Variants in EYA4 observed in about 807,000 individuals in gnomAD.
The protein encoded by EYA4 is EYA transcriptional coactivator and phosphatase 4, also known as protein phosphatase EYA4.
EYA4 carries 31 observed loss-of-function variants against 87.9 expected under a neutral mutation model. The observed-to-expected ratio is 0.35, with a 90% CI of 0.27 to 0.48. The LOEUF is 0.48. EYA4 is among the 20% of genes least tolerant of loss of function. EYA4 has a pLI of 0.99. For synonymous variants in EYA4, 263 were observed against 270.6 expected (o/e 0.97, Z 0.28); for missense variants, 678 against 761.4 (o/e 0.89, Z 1.29).
chr6:133,263,700 G>A (rs550352508), intron 1 of EYA4, among the ~76,000 whole-genome samples: 3 of 152,296 alleles, frequency 2.0e-5, no homozygotes, highest in South Asian at 2.1e-4. Flanking sequence ...TACAAGATAC[G>A]CTTCTGAAAA....
At chr6:133,476,417 C>T (rs1022780264) in intron 11 of EYA4, among the ~76,000 whole-genome samples, 3 of 151,996 alleles carry the variant, frequency 2.0e-5, no homozygotes, top group Admixed American at 6.6e-5. Flanking sequence ...CCTCTCCAGC[C>T]CCACAGCCCT....
At chr6:133,363,921 A>C (rs56043945) in intron 2 of EYA4, among the ~76,000 whole-genome samples, 4,723 of 152,302 alleles carry the variant, frequency 0.031, 180 homozygotes, top group East Asian at 0.2. Context: ...GCAGCATCTT[A>C]ACCTCACTTG....
chr6:133,522,145 C>G (rs926557841), intron 17 of EYA4, among the ~76,000 whole-genome samples: 14 of 146,146 alleles, frequency 9.6e-5, no homozygotes, highest in South Asian at 2.2e-4. Context: ...AAAAAAAATT[C>G]TGGTGCATCT....
chr6:133,430,179 C>G (rs182039741), intron 3 of EYA4, among the ~76,000 whole-genome samples: 1 of 152,150 alleles, frequency 6.6e-6, no homozygotes, highest in Non-Finnish European at 1.5e-5. Flanking sequence ...CTGGTACATA[C>G]ATACCATGGA....
rs71003632 is a variant in EYA4 at position 133,294,062 on chromosome 6, T to TATATATATATATATATATATATATAAAA, written c.33+19250_33+19251insTATATATATATATATATATATATAAAAA. 7.4e-4 allele frequency among the ~76,000 whole-genome samples: 78 copies of TATATATATATATATATATATATATAAAA among 105,122 alleles called. 6 individuals are homozygous for TATATATATATATATATATATATATAAAA. The highest frequency in any genetic ancestry group is 1.2e-3 in the Non-Finnish European group (56 of 48,438). 69.0% of individuals were successfully genotyped at this position (105,122 alleles called of 152,430 possible). A position where few individuals can be genotyped will look rare whatever the true frequency, so the allele number is the denominator to read the frequency against. On this transcript the variant is annotated intron_variant, in intron 2 of 19. Transcript: ENST00000355286. ...ATATATATATATATATATATATATA[T>TATATATATATATATATATATATATAAAA]AATTCTATTCTATATATAACATTCT...
intron 3 of EYA4, among the ~76,000 whole-genome samples, chr6:133,420,977 ACTACTGTTACTGTAGCCTGCCT>A (rs1205909932): frequency 6.6e-6 from 1 of 152,196 alleles, no homozygotes; most frequent in Non-Finnish European, 1.5e-5. Context: ...CTTTTCACTT[ACTACTGTTACTGTAGCCTGCCT>A]CCACATCAAG....
intron 2 of EYA4, among the ~76,000 whole-genome samples, chr6:133,287,562 GC>G (rs1383055746): frequency 4.6e-5 from 7 of 152,172 alleles, no homozygotes; most frequent in African/African-American, 1.7e-4. Context: ...GGACTTTGAA[GC>G]CAAGCTGAGA....
intron 2 of EYA4, among the ~76,000 whole-genome samples, chr6:133,285,908 G>A (rs1778017123): frequency 1.3e-5 from 2 of 152,176 alleles, no homozygotes; most frequent in African/African-American, 4.8e-5. Flanking sequence ...GAACAGGTTG[G>A]GGTTGCAGAT....
intron 14 of EYA4, chr6:133,510,574 C>T: frequency 3.9e-6 from 1 of 257,284 alleles, no homozygotes; most frequent in South Asian, 4.3e-5. Context: ...CTTGCAATGC[C>T]TTTACTGGAT....
chr6:133,415,783 A>T (rs1418972528), intron 3 of EYA4, among the ~76,000 whole-genome samples: 1 of 152,190 alleles, frequency 6.6e-6, no homozygotes, highest in Non-Finnish European at 1.5e-5. Context: ...TTAATTAATT[A>T]ATGTCCAAGG....
intron 1 of EYA4, chr6:133,248,856 C>T (rs916102054): frequency 1.5e-4 from 22 of 141,936 alleles, no homozygotes; most frequent in African/African-American, 5.6e-4. Context: ...AACGGCAATT[C>T]TACTGTTTTA....
At chr6:133,386,929 A>AT (rs1165721769) in intron 3 of EYA4, among the ~76,000 whole-genome samples, 1 of 152,208 alleles carries the variant, frequency 6.6e-6, no homozygotes, top group African/African-American at 2.4e-5. Context: ...AGTTAAAGAA[A>AT]TTGAGTTTGC....
At chr6:133,264,038 A>G (rs1369694431) in intron 1 of EYA4, among the ~76,000 whole-genome samples, 1 of 152,250 alleles carries the variant, frequency 6.6e-6, no homozygotes, top group Non-Finnish European at 1.5e-5. Flanking sequence ...TTTTCACTGC[A>G]GCAAGAGGCA....
At chr6:133,246,466 G>A (rs1365868291) in intron 1 of EYA4, among the ~76,000 whole-genome samples, 2 of 151,360 alleles carry the variant, frequency 1.3e-5, no homozygotes, top group African/African-American at 2.4e-5. Context: ...TTTCTGCACA[G>A]GTAGTTTATT....
chr6:133,376,685 G>A (rs1193370527), intron 2 of EYA4, among the ~76,000 whole-genome samples: 1 of 151,712 alleles, frequency 6.6e-6, no homozygotes, highest in Non-Finnish European at 1.5e-5. Flanking sequence ...TAGTGGTTTG[G>A]AAACATTAAA....
At chr6:133,428,491 C>A (rs1790873462) in intron 3 of EYA4, among the ~76,000 whole-genome samples, 1 of 152,172 alleles carries the variant, frequency 6.6e-6, no homozygotes. Context: ...CTGACCCACC[C>A]ACTTTTAAAC....
intron 3 of EYA4, among the ~76,000 whole-genome samples, chr6:133,422,402 T>C (rs1790296829): frequency 1.3e-5 from 2 of 152,216 alleles, no homozygotes; most frequent in African/African-American, 4.8e-5. Flanking sequence ...CATTTAAAAA[T>C]CTAAGATTAT....
chr6:133,496,361 G>T (rs764900892), intron 13 of EYA4, among the ~76,000 whole-genome samples: 3 of 151,948 alleles, frequency 2.0e-5, no homozygotes, highest in Non-Finnish European at 4.4e-5. Flanking sequence ...TGATTTTTTT[G>T]ATTATTTTAG....
At chr6:133,485,425 T>A (rs1393625555) in intron 13 of EYA4, among the ~76,000 whole-genome samples, 1 of 152,024 alleles carries the variant, frequency 6.6e-6, no homozygotes. Context: ...GGTAGGCTGT[T>A]CTCTCAAAGC....
Sources: gnomAD v4.1 joint callset for allele counts (sites outside exome capture counted in the v4.1 genomes callset) on GRCh38, gnomAD v4.1.1 for gene constraint, MANE v1.5 for transcripts, NCBI Gene and HGNC (gene_info 2026-07-23, HGNC 2026-07-21) for gene names.